EXO1: variants seen among roughly 807,000 people sequenced by gnomAD.
EXO1 encodes the protein exonuclease 1.
EXO1 carries 69 observed loss-of-function variants against 84.5 expected under a neutral mutation model. The observed-to-expected ratio is 0.82, with a 90% CI of 0.67 to 1.00. EXO1 has a LOEUF of 1.00. Among genes scored for constraint, EXO1 ranks in the 50% least tolerant of loss-of-function variants. The probability of loss-of-function intolerance (pLI) is 0.00; values close to 1 mark genes in which losing one functional copy is unlikely to be tolerated. For synonymous variants in EXO1, 373 were observed against 366.1 expected, an observed-to-expected ratio of 1.02 and a Z score of -0.21; for missense variants, 1,045 against 1,000.7, an observed-to-expected ratio of 1.04 and a Z score of -0.60.
At chr1:241,871,998 A>G (rs1662125748) in intron 11 of EXO1, 34 bp from the exon 12 acceptor site, 1 of 1,596,614 alleles carries the variant, frequency 6.3e-7, no homozygotes. Context: ...TACAGGTGAA[A>G]CAAAGATTTA....
chr1:241,883,261 A>G (rs904465450), intron 14 of EXO1, among the ~76,000 whole-genome samples: 1 of 152,258 alleles, frequency 6.6e-6, no homozygotes. Context: ...ACTGTAGTCA[A>G]TATGGGTTGC....
chr1:241,878,691 T>G, intron 12 of EXO1, 58 bp from the exon 13 acceptor site: 1 of 1,068,444 alleles, frequency 9.4e-7, no homozygotes. Flanking sequence ...TTGACACCCC[T>G]TGAGAAAACT....
At chr1:241,886,035 T>C (rs948298305) in intron 15 of EXO1, among the ~76,000 whole-genome samples, 2 of 152,096 alleles carry the variant, frequency 1.3e-5, no homozygotes, top group African/African-American at 2.4e-5. Flanking sequence ...GTATCTTTAA[T>C]AGACACGAGG....
intron 6 of EXO1, among the ~76,000 whole-genome samples, chr1:241,856,957 C>T (rs1435492548): frequency 6.6e-6 from 1 of 152,124 alleles, no homozygotes; most frequent in Non-Finnish European, 1.5e-5. Flanking sequence ...CACCTGAGCC[C>T]AGAGCCCAGG....
At chr1:241,875,733 C>G (rs990028967) in intron 12 of EXO1, among the ~76,000 whole-genome samples, 2 of 152,086 alleles carry the variant, frequency 1.3e-5, no homozygotes, top group Non-Finnish European at 2.9e-5. Context: ...AAAAAATTAG[C>G]CGGGCGTGGT....
chr1:241,865,480 G>A (rs1298917585), intron 10 of EXO1, among the ~76,000 whole-genome samples: 1 of 151,826 alleles, frequency 6.6e-6, no homozygotes, highest in Non-Finnish European at 1.5e-5. Context: ...CAAAGTGCTG[G>A]GATTACAGGT....
intron 9 of EXO1, among the ~76,000 whole-genome samples, chr1:241,861,047 G>T (rs112194689): frequency 7.5e-4 from 114 of 152,322 alleles, no homozygotes; most frequent in African/African-American, 2.5e-3. Flanking sequence ...AGCATTCTGG[G>T]CATTTGAGTG....
At chr1:241,851,105 C>T (rs768266346) in intron 4 of EXO1, among the ~76,000 whole-genome samples, 3 of 152,166 alleles carry the variant, frequency 2.0e-5, no homozygotes, top group Admixed American at 2.0e-4. Flanking sequence ...GCTGAGATTA[C>T]AGGCGTGAGC....
intron 12 of EXO1, among the ~76,000 whole-genome samples, chr1:241,875,287 A>G (rs1662327854): frequency 6.6e-6 from 1 of 152,186 alleles, no homozygotes; most frequent in Non-Finnish European, 1.5e-5. Flanking sequence ...TACAGGCGTG[A>G]GTCACCACAC....
chr1:241,882,304 T>C (rs1168696166), intron 14 of EXO1, among the ~76,000 whole-genome samples: 1 of 152,132 alleles, frequency 6.6e-6, no homozygotes, highest in East Asian at 1.9e-4. Context: ...TTTTGTCATT[T>C]ACCCTAAATT....
chr1:241,881,092 A>G (rs1031224460), intron 13 of EXO1, among the ~76,000 whole-genome samples: 4 of 151,998 alleles, frequency 2.6e-5, no homozygotes, highest in African/African-American at 4.8e-5. Flanking sequence ...CAGTGGTACA[A>G]TCTCGGCTCA....
intron 3 of EXO1, among the ~76,000 whole-genome samples, 163 bp from the exon 4 acceptor site, chr1:241,850,246 G>C (rs1231875839): frequency 6.6e-6 from 1 of 151,134 alleles, no homozygotes; most frequent in Non-Finnish European, 1.5e-5. Context: ...GGCCACTGCA[G>C]TCCCTCCTGG....
chr1:241,879,394 T>C (rs1662611457), intron 13 of EXO1, 51 bp downstream of exon 13: 2 of 1,113,712 alleles, frequency 1.8e-6, no homozygotes, highest in African/African-American at 1.6e-5. Context: ...TAAGAAAAAA[T>C]AGATTGTTGC....
At chr1:241,862,214 A>G (rs1026548849) in intron 10 of EXO1, among the ~76,000 whole-genome samples, 3 of 152,216 alleles carry the variant, frequency 2.0e-5, no homozygotes, top group Admixed American at 2.0e-4. Context: ...CTGGGATTAC[A>G]GGCGTGAGCC....
In EXO1 at chr1:241,879,141, A is replaced by G. The variant is rs562538640; in HGVS notation, c.1907A>G (p.Lys636Arg). 15 of 1,609,692 alleles carry G rather than the reference A, an allele frequency of 9.3e-6. No homozygotes were observed. The highest frequency in any genetic ancestry group is 1.7e-5 in the Admixed American group (1 of 59,956). The change falls in exon 13 of 16, where the codon AAG becomes AGG. Residue 636 changes from lysine (K) to arginine (R), a missense_variant. Transcript: ENST00000366548. ...PSTALQQFRR[K>R]SDSPTSLPEN... is the part of the protein sequence containing the mutation. Reference sequence around the variant, plus strand: ...ACAGCATTGCAGCAGTTCCGAAGAAAGAGCGATTCCCCCACCTCTTTGCCT... The same window carrying G: ...ACAGCATTGCAGCAGTTCCGAAGAAGGAGCGATTCCCCCACCTCTTTGCCT...
In EXO1 at chr1:241,857,411, C is replaced by CCGCAG; in HGVS notation, c.472_473insCGCAG (p.Leu158ProfsTer12). ...TGAAGCTGATGCGCAGTTGGCCTAT[C>CCGCAG]TTAACAAAGCGGGAATTGTGCAAGC... On this transcript the variant is annotated frameshift_variant, in exon 7 of 16. Coordinates refer to ENST00000366548, the MANE Select transcript of EXO1 (RefSeq NM_130398.4). LOFTEE classifies it high-confidence loss of function. 1 of 1,613,852 alleles carries CCGCAG rather than the reference C, an allele frequency of 6.2e-7. No individual in the cohort carries two copies. The highest frequency in any genetic ancestry group is 8.5e-7 in the Non-Finnish European group (1 of 1,179,912).
Position 241,857,368 on chromosome 1 carries a change from T to C in EXO1, c.429T>C (p.Asp143=), listed in dbSNP as rs149474050. The C allele has an allele frequency of 1.2e-6, 2 of 1,613,972 alleles. No individual in the cohort carries two copies. The highest frequency in any genetic ancestry group is 1.1e-5 in the South Asian group (1 of 91,080). ...VIKAARSQGV[D]CLVAPYEADA... ...AGGCTGCCCGGTCTCAGGGGGTAGA[T>C]TGCCTCGTGGCTCCCTATGAAGCTG... Residue 143 remains aspartate, a synonymous_variant, in exon 7 of 16, where the codon GAT becomes GAC. Transcript: ENST00000366548.
intron 11 of EXO1, among the ~76,000 whole-genome samples, chr1:241,870,038 C>G (rs1662001110): frequency 6.6e-6 from 1 of 152,176 alleles, no homozygotes; most frequent in South Asian, 2.1e-4. Flanking sequence ...TCTTGAACTC[C>G]TGACCTCGTG....
chr1:241,878,075 C>T (rs1478077722), intron 12 of EXO1, among the ~76,000 whole-genome samples: 1 of 152,178 alleles, frequency 6.6e-6, no homozygotes, highest in Non-Finnish European at 1.5e-5. Flanking sequence ...ATGGGAAGTA[C>T]CTGCCCTCAC....
Sources: gnomAD v4.1 joint callset for allele counts (sites outside exome capture counted in the v4.1 genomes callset) on GRCh38, gnomAD v4.1.1 for gene constraint, MANE v1.5 for transcripts, NCBI Gene and HGNC (gene_info 2026-07-23, HGNC 2026-07-21) for gene names.